The following IL15 variants were observed in gnomAD, a reference collection of about 807,000 sequenced individuals.
IL15 encodes the protein interleukin 15.
IL15 carries 11 observed loss-of-function variants against 19.6 expected under a neutral mutation model. The ratio of observed to expected loss-of-function variants is 0.56; its 90% CI spans 0.35 to 0.93. The LOEUF (loss-of-function observed/expected upper bound fraction) is 0.93. Ranked by LOEUF, IL15 falls within the 40% of genes least tolerant of loss-of-function variation. IL15 has a pLI of 0.01. For missense variants in IL15, 197 were observed against 186.5 expected (o/e 1.06, Z -0.33); for synonymous variants, 58 against 59.6 (o/e 0.97, Z 0.12).
At chr4:141,724,387 TC>T (rs759501913) in intron 5 of IL15, among the ~76,000 whole-genome samples, 16 of 151,854 alleles carry the variant, frequency 1.1e-4, no homozygotes, top group Admixed American at 4.6e-4. Flanking sequence ...AAATCAAAAA[TC>T]TAAGTTACTG....
At chr4:141,690,800 C>T (rs985016220) in intron 2 of IL15, among the ~76,000 whole-genome samples, 18 of 152,070 alleles carry the variant, frequency 1.2e-4, no homozygotes, top group Non-Finnish European at 2.1e-4. Context: ...TCCATATTAC[C>T]GCCACTCCCT....
intron 2 of IL15, among the ~76,000 whole-genome samples, chr4:141,714,123 C>T (rs539585639): frequency 3.9e-5 from 6 of 152,190 alleles, no homozygotes; most frequent in African/African-American, 1.4e-4. Context: ...CCCCATCCTC[C>T]TCCAATCTTC....
At chr4:141,673,611 G>T (rs566994985) in intron 2 of IL15, among the ~76,000 whole-genome samples, 1 of 152,078 alleles carries the variant, frequency 6.6e-6, no homozygotes, top group Non-Finnish European at 1.5e-5. Flanking sequence ...TCAGATACAA[G>T]GTATTCGACT....
chr4:141,691,820 T>G (rs994581630), intron 2 of IL15, among the ~76,000 whole-genome samples: 2 of 152,176 alleles, frequency 1.3e-5, no homozygotes, highest in East Asian at 3.9e-4. Flanking sequence ...AGGATCATAT[T>G]GCAAGCTGTC....
Position 141,684,638 on chromosome 4 carries a change from T to G in IL15, c.-100+28331T>G, listed in dbSNP as rs1360930408. ...ACTTGCTATTATTATTTATGCTAGG[T>G]CTATATTAGCTTGGAATATCCTCCT... On this transcript the variant is annotated intron_variant, in intron 2 of 7. Coordinates refer to ENST00000320650, the MANE Select transcript of IL15 (RefSeq NM_000585.5). 2.0e-5 allele frequency among the ~76,000 whole-genome samples: 3 copies of G among 152,356 alleles called. 1 individual carries two copies. Among genetic ancestry groups the G allele is most frequent in the African/African-American group, 7.2e-5 (3 of 41,586 alleles).
intron 1 of IL15, among the ~76,000 whole-genome samples, chr4:141,650,495 G>C (rs1182097547): frequency 6.6e-6 from 1 of 152,068 alleles, no homozygotes; most frequent in Non-Finnish European, 1.5e-5. Flanking sequence ...GCAGCACAAT[G>C]CATAGCATAT....
intron 2 of IL15, among the ~76,000 whole-genome samples, chr4:141,691,922 C>T (rs1171075234): frequency 1.3e-5 from 2 of 152,222 alleles, no homozygotes; most frequent in Non-Finnish European, 2.9e-5. Flanking sequence ...TGTGGGGGCT[C>T]CAACCCCACA....
chr4:141,714,145 A>C (rs556507915), intron 2 of IL15, among the ~76,000 whole-genome samples: 6 of 151,488 alleles, frequency 4.0e-5, no homozygotes, highest in Non-Finnish European at 7.4e-5. Context: ...CTTTCTGCTC[A>C]TGTCTTTTTA....
intron 1 of IL15, among the ~76,000 whole-genome samples, chr4:141,642,974 G>C (rs1000250135): frequency 2.6e-5 from 4 of 152,102 alleles, no homozygotes; most frequent in Non-Finnish European, 1.5e-5. Context: ...TGACAGCTAA[G>C]CAAACAACTG....
At chr4:141,703,982 A>G (rs2152182971) in intron 2 of IL15, among the ~76,000 whole-genome samples, 1 of 152,282 alleles carries the variant, frequency 6.6e-6, no homozygotes, top group African/African-American at 2.4e-5. Flanking sequence ...GGTTTTTAAT[A>G]TATAAAGTTT....
intron 1 of IL15, among the ~76,000 whole-genome samples, chr4:141,638,989 A>G (rs569950761): frequency 1.3e-5 from 2 of 152,350 alleles, no homozygotes; most frequent in Admixed American, 1.3e-4. Context: ...ATCATAATAC[A>G]GAGTTCTGTC....
intron 1 of IL15, among the ~76,000 whole-genome samples, chr4:141,652,741 T>C (rs550735548): frequency 1.3e-5 from 2 of 152,292 alleles, no homozygotes; most frequent in South Asian, 2.1e-4. Flanking sequence ...GGATTTGTGG[T>C]CTAATGTGCA....
At chr4:141,672,487 C>T (rs886564272) in intron 2 of IL15, among the ~76,000 whole-genome samples, 2 of 152,068 alleles carry the variant, frequency 1.3e-5, no homozygotes, top group East Asian at 1.9e-4. Flanking sequence ...AACACCGCAC[C>T]GCAAAGTATT....
chr4:141,726,951 C>T (rs550674168), intron 5 of IL15, among the ~76,000 whole-genome samples: 26 of 152,098 alleles, frequency 1.7e-4, no homozygotes, highest in East Asian at 1.2e-3. Flanking sequence ...AAGATGGGGA[C>T]GCCAATCTGA....
rs529418054 is a variant in IL15, at chr4:141,654,946, A to G, written c.-221-1240A>G. Among the ~76,000 whole-genome samples the G allele has an allele frequency of 2.0e-5, 3 of 152,262 alleles. No individual in the cohort carries two copies. In the East Asian group the frequency reaches 5.8e-4, roughly 29 times the overall value. The stretch of plus-strand genomic sequence containing the variant: ...TATACTGGCATAGGGTGTAAAAGAG[A>G]GAGGAGCATAACTGGCTTTAAAGCA... On this transcript the variant is annotated intron_variant, in intron 1 of 7. Coordinates refer to ENST00000320650, the MANE Select transcript of IL15 (RefSeq NM_000585.5).
intron 5 of IL15, among the ~76,000 whole-genome samples, chr4:141,722,622 T>C (rs557939299): frequency 6.6e-6 from 1 of 152,148 alleles, no homozygotes; most frequent in Non-Finnish European, 1.5e-5. Context: ...CAAGATACAA[T>C]TGGAAATCAC....
At chr4:141,668,898 C>T (rs1449746323) in intron 2 of IL15, among the ~76,000 whole-genome samples, 2 of 152,178 alleles carry the variant, frequency 1.3e-5, no homozygotes, top group Non-Finnish European at 2.9e-5. Context: ...TAACTTCGTG[C>T]TAAAAACGTG....
intron 6 of IL15, among the ~76,000 whole-genome samples, chr4:141,729,080 T>C (rs1730364580): frequency 6.6e-6 from 1 of 152,142 alleles, no homozygotes; most frequent in South Asian, 2.1e-4. Flanking sequence ...CTTTCAATCC[T>C]AAGCAGTGAC....
chr4:141,679,684 A>C (rs1200971995), intron 2 of IL15, among the ~76,000 whole-genome samples: 1 of 152,242 alleles, frequency 6.6e-6, no homozygotes, highest in African/African-American at 2.4e-5. Flanking sequence ...AAAAACAGAT[A>C]ATTGCAGATT....
Sources: gnomAD v4.1 joint callset for allele counts (sites outside exome capture counted in the v4.1 genomes callset) on GRCh38, gnomAD v4.1.1 for gene constraint, MANE v1.5 for transcripts, NCBI Gene and HGNC (gene_info 2026-07-23, HGNC 2026-07-21) for gene names.